FMN2: variants seen among roughly 807,000 people sequenced by gnomAD.
FMN2 encodes the protein formin 2, also known as formin-2.
A neutral mutation model predicts 142.3 loss-of-function variants in FMN2; 51 were observed. The observed-to-expected ratio is 0.36, with a 90% CI of 0.29 to 0.45. The LOEUF (loss-of-function observed/expected upper bound fraction) is 0.45. FMN2 is among the 20% of genes least tolerant of loss of function. FMN2 has a pLI of 1.00. For synonymous variants in FMN2, 882 were observed against 869.8 expected (o/e 1.01, Z -0.25); for missense variants, 1,936 against 2,122.8 (o/e 0.91, Z 1.73).
intron 15 of FMN2, among the ~76,000 whole-genome samples, chr1:240,411,639 T>C (rs1345996272): frequency 6.6e-6 from 1 of 151,804 alleles, no homozygotes; most frequent in Admixed American, 6.6e-5. Context: ...TGTTTTTTTT[T>C]TTTCTCTGAG....
rs1661018829 is a variant in FMN2 at position 240,092,513 on chromosome 1, G to A, written c.404G>A (p.Cys135Tyr). ...GAGGCCGGCCTGTCGGATACCGAGT[G>A]TGCGGACCCTTTTGAGGTGACCGGT... ...ADEAGLSDTE[C>Y]ADPFEVTGPG... is the part of the protein sequence containing the mutation. The change falls in exon 1 of 18, where the codon TGT becomes TAT. Residue 135 changes from cysteine to tyrosine, a missense_variant. Physicochemically the swap from Cys to Tyr is radical, Grantham distance 194 (BLOSUM62 -2). Coordinates refer to ENST00000319653, the MANE Select transcript of FMN2 (RefSeq NM_020066.5). 1 of 1,608,660 alleles carries A rather than the reference G, an allele frequency of 6.2e-7. No homozygotes were observed. Among genetic ancestry groups the A allele is most frequent in the Non-Finnish European group, 8.5e-7 (1 of 1,177,772 alleles).
chr1:240,278,635 A>G lies in FMN2; in HGVS notation c.4154-16187A>G, dbSNP rs1254246358. 2.6e-5 allele frequency among the ~76,000 whole-genome samples: 4 copies of G among 152,322 alleles called. No homozygotes were observed. In the East Asian group the frequency reaches 7.7e-4, roughly 29 times the overall value. On this transcript the variant is annotated intron_variant, in intron 7 of 17. Transcript: ENST00000319653. ...TTCTTCTTTAACAATGAGGATCATA[A>G]CTTCAGCTGAGATTAACTTTTAAGG...
intron 14 of FMN2, among the ~76,000 whole-genome samples, chr1:240,358,492 C>T (rs1672348514): frequency 1.3e-5 from 2 of 152,106 alleles, no homozygotes; most frequent in African/African-American, 2.4e-5. Context: ...TAAAGAATTG[C>T]CTGAGACTGG....
chr1:240,371,053 C>CTCAG (rs1459246635), intron 14 of FMN2, among the ~76,000 whole-genome samples: 2 of 152,158 alleles, frequency 1.3e-5, no homozygotes, highest in Non-Finnish European at 2.9e-5. Flanking sequence ...ATTCTCCTGC[C>CTCAG]TCAGCCTCCT....
At chr1:240,332,301 C>T (rs1366452794) in intron 11 of FMN2, among the ~76,000 whole-genome samples, 3 of 151,498 alleles carry the variant, frequency 2.0e-5, no homozygotes, top group Non-Finnish European at 4.4e-5. Flanking sequence ...ATAGCATGAG[C>T]CCGTAATCCC....
intron 15 of FMN2, among the ~76,000 whole-genome samples, chr1:240,424,432 A>G (rs1206988853): frequency 5.3e-5 from 8 of 152,182 alleles, no homozygotes; most frequent in Admixed American, 4.6e-4. Flanking sequence ...GAAACCAGAC[A>G]TATTGACATC....
chr1:240,105,350 C>T (rs986940162), intron 1 of FMN2, among the ~76,000 whole-genome samples: 1 of 151,980 alleles, frequency 6.6e-6, no homozygotes, highest in African/African-American at 2.4e-5. Flanking sequence ...CTCAAGTGAT[C>T]CACTCACCTC....
At chr1:240,322,258 A>G (rs958838950) in intron 8 of FMN2, among the ~76,000 whole-genome samples, 16 of 152,166 alleles carry the variant, frequency 1.1e-4, no homozygotes, top group Admixed American at 6.5e-4. Flanking sequence ...ATCCTCAAAA[A>G]CTAAAGCTCC....
chr1:240,433,219 T>C (rs1675235788), intron 15 of FMN2, among the ~76,000 whole-genome samples: 1 of 152,182 alleles, frequency 6.6e-6, no homozygotes, highest in African/African-American at 2.4e-5. Context: ...AACACCCTGG[T>C]TATGTTCTTT....
intron 8 of FMN2, among the ~76,000 whole-genome samples, chr1:240,320,538 A>T (rs1444613540): frequency 1.3e-5 from 2 of 152,182 alleles, no homozygotes; most frequent in Admixed American, 1.3e-4. Context: ...CCGATAGCTA[A>T]AAGTAGAGGA....
At chr1:240,104,295 A>G (rs1308544758) in intron 1 of FMN2, among the ~76,000 whole-genome samples, 3 of 151,806 alleles carry the variant, frequency 2.0e-5, no homozygotes, top group Non-Finnish European at 4.4e-5. Flanking sequence ...TTCAGGATCT[A>G]CTATTCCTCA....
rs1265543967 is a variant in FMN2, at chr1:240,092,956, C to A, written c.847C>A (p.Leu283Met). ...CGCGCTCTCCGACCTGCCCGAGAGC[C>A]TGGCCGCCGAGCCCCGGGAGCCCCA... ...LSALSDLPES[L>M]AAEPREPQQP... is the part of the protein sequence containing the mutation. The change falls in exon 1 of 18, where the codon CTG (leucine) becomes ATG (methionine). Residue 283 changes from leucine (L) to methionine (M), a missense_variant. Leu to Met is a conservative substitution (Grantham distance 15). Transcript: ENST00000319653. The A allele has an allele frequency of 9.9e-6, 14 of 1,418,518 alleles. No homozygotes were observed. Among genetic ancestry groups the A allele is most frequent in the Non-Finnish European group, 1.3e-5 (14 of 1,094,476 alleles). 87.9% of individuals were successfully genotyped at this position (1,418,518 alleles called of 1,614,324 possible). A position where few individuals can be genotyped will look rare whatever the true frequency, so the allele number is the denominator to read the frequency against.
At chr1:240,414,144 C>T (rs552414693) in intron 15 of FMN2, among the ~76,000 whole-genome samples, 6 of 152,148 alleles carry the variant, frequency 3.9e-5, no homozygotes, top group Non-Finnish European at 7.3e-5. Flanking sequence ...GTGCCTCCTA[C>T]GTGAGAAAGG....
At chr1:240,144,543 C>G in intron 2 of FMN2, 1 of 1,445,284 alleles carries the variant, frequency 6.9e-7, no homozygotes, top group Non-Finnish European at 9.7e-7. Flanking sequence ...AAGATGTCTT[C>G]TACCAGCTCC....
chr1:240,170,815 G>A, intron 2 of FMN2: 1 of 880,178 alleles, frequency 1.1e-6, no homozygotes. Context: ...AGTGGCTGGT[G>A]CATCCCGGAT....
At chr1:240,202,062 G>C (rs1477690293) in intron 4 of FMN2, among the ~76,000 whole-genome samples, 2 of 152,180 alleles carry the variant, frequency 1.3e-5, no homozygotes, top group Non-Finnish European at 1.5e-5. Flanking sequence ...ACGGGAATAT[G>C]ATCCTTACCT....
intron 2 of FMN2, among the ~76,000 whole-genome samples, chr1:240,141,876 A>G (rs1181374974): frequency 6.6e-6 from 1 of 152,104 alleles, no homozygotes; most frequent in African/African-American, 2.4e-5. Context: ...AGTCCTCAGA[A>G]GTTGGGTGGT....
intron 3 of FMN2, among the ~76,000 whole-genome samples, chr1:240,187,639 T>G (rs1292609779): frequency 6.6e-6 from 1 of 152,208 alleles, no homozygotes; most frequent in Admixed American, 6.5e-5. Flanking sequence ...CTGACTTGGT[T>G]ATGCCTTAGG....
chr1:240,419,338 C>T (rs1463295785), intron 15 of FMN2, among the ~76,000 whole-genome samples: 1 of 152,032 alleles, frequency 6.6e-6, no homozygotes, highest in Non-Finnish European at 1.5e-5. Flanking sequence ...AATATTGGTA[C>T]ATATCAGCTC....
Sources: allele counts gnomAD v4.1 joint callset (sites outside exome capture counted in the v4.1 genomes callset), GRCh38; gene constraint gnomAD v4.1.1; transcripts MANE v1.5; gene names NCBI Gene and HGNC (gene_info 2026-07-23, HGNC 2026-07-21).